BDP1: variants seen among roughly 807,000 people sequenced by gnomAD.
BDP1 encodes BDP1 general transcription factor IIIB subunit, also known as transcription factor TFIIIB component B'' homolog.
In BDP1, 169 loss-of-function variants were observed where a neutral mutation model predicts 266.6. That is an observed-to-expected ratio of 0.63 (90% CI 0.56 to 0.72). BDP1 has a LOEUF of 0.72. Among genes scored for constraint, BDP1 ranks in the 30% least tolerant of loss-of-function variants. The probability of loss-of-function intolerance (pLI) is 0.00; values close to 1 mark genes in which losing one functional copy is unlikely to be tolerated. For missense variants in BDP1, 3,015 were observed against 3,053.8 expected, an observed-to-expected ratio of 0.99 and a Z score of 0.30; for synonymous variants, 1,090 against 1,022.4, an observed-to-expected ratio of 1.07 and a Z score of -1.26.
At chr5:71,497,043 T>C (rs1404894784) in intron 12 of BDP1, among the ~76,000 whole-genome samples, 1 of 152,250 alleles carries the variant, frequency 6.6e-6, no homozygotes, top group African/African-American at 2.4e-5. Context: ...ATTTGTTTCA[T>C]TTATCTGTTT....
intron 9 of BDP1, among the ~76,000 whole-genome samples, chr5:71,487,172 C>T (rs915614070): frequency 1.2e-4 from 18 of 152,226 alleles, no homozygotes; most frequent in East Asian, 5.8e-4. Flanking sequence ...ATAAAGAAGA[C>T]GCTCGGAACT....
chr5:71,514,918 A>G (rs750710930), intron 19 of BDP1, 26 bp from the exon 20 acceptor site: 2 of 1,538,408 alleles, frequency 1.3e-6, no homozygotes, highest in East Asian at 2.3e-5. Context: ...AGCAACTGTG[A>G]ATGAAATTTT....
At chr5:71,542,739 C>CTTGGGGAGT (rs1767050893) in intron 30 of BDP1, among the ~76,000 whole-genome samples, 2 of 151,838 alleles carry the variant, frequency 1.3e-5, no homozygotes, top group Non-Finnish European at 2.9e-5. Context: ...TTTTGACTCC[C>CTTGGGGAGT]CAAAAACTTA....
chr5:71,548,293 G>C (rs770785191), intron 32 of BDP1, among the ~76,000 whole-genome samples: 2 of 152,144 alleles, frequency 1.3e-5, no homozygotes, highest in Non-Finnish European at 2.9e-5. Flanking sequence ...GAAAAACCAT[G>C]TTTGTGGTTT....
Position 71,486,957 on chromosome 5 carries a change from A to G in BDP1, c.1213+330A>G, listed in dbSNP as rs1402062848. 4.6e-5 allele frequency among the ~76,000 whole-genome samples: 7 copies of G among 152,312 alleles called. No individual in the cohort carries two copies. The East Asian group carries it at 5.8e-4, about 13-fold the overall frequency. On this transcript the variant is annotated intron_variant, in intron 9 of 38. Transcript: ENST00000358731. The stretch of plus-strand genomic sequence containing the variant: ...TTTTCCTCTGTAAAACAAATCTGGT[A>G]TAAAATTCTAGGATTAAAAAAAGGA...
chr5:71,485,818 G>T (rs1387710262), intron 8 of BDP1, among the ~76,000 whole-genome samples: 1 of 152,144 alleles, frequency 6.6e-6, no homozygotes, highest in African/African-American at 2.4e-5. Flanking sequence ...TAGGGCATAT[G>T]GTGGTGAACA....
intron 26 of BDP1, among the ~76,000 whole-genome samples, chr5:71,532,956 G>T (rs1203532198): frequency 6.6e-6 from 1 of 152,124 alleles, no homozygotes; most frequent in Non-Finnish European, 1.5e-5. Flanking sequence ...TCACTGGCCT[G>T]GGGAACCAAT....
intron 9 of BDP1, among the ~76,000 whole-genome samples, chr5:71,488,017 C>T (rs753618702): frequency 2.0e-5 from 3 of 152,068 alleles, no homozygotes; most frequent in Non-Finnish European, 4.4e-5. Context: ...TACAAAATAC[C>T]TTTATTCTTA....
At chr5:71,459,670 G>A (rs1761421361) in intron 2 of BDP1, among the ~76,000 whole-genome samples, 1 of 152,172 alleles carries the variant, frequency 6.6e-6, no homozygotes, top group East Asian at 1.9e-4. Flanking sequence ...GCAGGTAACA[G>A]CAGTAGAGCA....
chr5:71,485,879 A>G (rs904346271), intron 8 of BDP1, among the ~76,000 whole-genome samples: 2 of 152,210 alleles, frequency 1.3e-5, no homozygotes, highest in Admixed American at 6.6e-5. Context: ...ATATTTATAC[A>G]CAGCTCAAAG....
At chr5:71,555,786 G>A (rs1290538745) in intron 35 of BDP1, among the ~76,000 whole-genome samples, 1 of 152,132 alleles carries the variant, frequency 6.6e-6, no homozygotes, top group African/African-American at 2.4e-5. Flanking sequence ...TATAGGGACA[G>A]TATCTCTCCC....
intron 11 of BDP1, among the ~76,000 whole-genome samples, chr5:71,494,227 C>T (rs562154793): frequency 6.6e-6 from 1 of 152,104 alleles, no homozygotes; most frequent in Admixed American, 6.5e-5. Context: ...AACATAAACA[C>T]CTAGTAGAAA....
At chr5:71,469,583 A>T (rs1032119362) in intron 6 of BDP1, among the ~76,000 whole-genome samples, 18 of 150,658 alleles carry the variant, frequency 1.2e-4, no homozygotes, top group Middle Eastern at 3.4e-3. Context: ...TGAATGTTTT[A>T]AAAAAAAAAT....
chr5:71,509,584 A>G lies in BDP1; in HGVS notation c.2492A>G (p.Glu831Gly), dbSNP rs764948366. Residue 831 changes from glutamate (E) to glycine (G), a missense_variant, in exon 17 of 39, where the codon GAA (glutamate) becomes GGA (glycine). Glu to Gly is a moderately conservative substitution (Grantham distance 98). This residue lies in a region of BDP1 where 2,383 missense variants were observed against 2,404.9 expected (regional missense o/e 0.99). Transcript: ENST00000358731. ...GGAAGGAGAGAAATTTCCTCAAAGGAAGAGGTACTAGAGAAGATTCTTGTC... is the reference window on the plus strand; with the variant it reads ...GGAAGGAGAGAAATTTCCTCAAAGGGAGAGGTACTAGAGAAGATTCTTGTC... ...GTGRREISSK[E>G]EVLEKILVSG... 6.2e-7 allele frequency: 1 copy of G among 1,613,916 alleles called. No homozygotes were observed. Among genetic ancestry groups the G allele is most frequent in the Non-Finnish European group, 8.5e-7 (1 of 1,179,982 alleles).
chr5:71,458,684 G>A lies in BDP1; in HGVS notation c.318G>A (p.Lys106=), dbSNP rs998988685. Residue 106 remains lysine, a synonymous_variant, in exon 2 of 39, where the codon AAG becomes AAA. Coordinates refer to ENST00000358731, the MANE Select transcript of BDP1 (RefSeq NM_018429.3). ...KRISSTSSLV[K]SSVSVPSESH... ...TATCAAGTACTTCTAGCCTGGTTAA[G>A]TCTAGTGTCAGTGTTCCTTCAGAAT... 1 of 1,614,034 alleles carries A rather than the reference G, an allele frequency of 6.2e-7. No individual in the cohort carries two copies. The highest frequency in any genetic ancestry group is 1.3e-5 in the African/African-American group (1 of 74,930).
rs537554527 is a variant in BDP1, at chr5:71,561,388, C to T, written c.7497-886C>T. ...TGCACTCCAGCCTGGGCAACAAGAG[C>T]GAAACTGTCTCAAAAAATAAATTAA... On this transcript the variant is annotated intron_variant, in intron 37 of 38. Transcript: ENST00000358731. 3.9e-5 allele frequency among the ~76,000 whole-genome samples: 6 copies of T among 152,212 alleles called. No individual in the cohort carries two copies. The South Asian group carries it at 8.3e-4, about 21-fold the overall frequency.
chr5:71,572,237 G>A (rs1389999518), downstream of BDP1, among the ~76,000 whole-genome samples: 1 of 152,154 alleles, frequency 6.6e-6, no homozygotes, highest in African/African-American at 2.4e-5. Flanking sequence ...CTAGAGACAA[G>A]GTGTCCCCTG....
chr5:71,546,430 CA>C (rs1226882309), intron 32 of BDP1, among the ~76,000 whole-genome samples: 1 of 151,752 alleles, frequency 6.6e-6, no homozygotes, highest in Non-Finnish European at 1.5e-5. Flanking sequence ...AACAGCCTGG[CA>C]AACAAGGTGA....
chr5:71,534,171 A>G (rs1336612895), intron 26 of BDP1, among the ~76,000 whole-genome samples: 1 of 152,214 alleles, frequency 6.6e-6, no homozygotes, highest in Non-Finnish European at 1.5e-5. Context: ...TGTCAAACCC[A>G]AGGTCATGAA....
Sources: gnomAD v4.1 joint callset for allele counts (sites outside exome capture counted in the v4.1 genomes callset) on GRCh38, gnomAD v4.1.1 for gene constraint, gnomAD v4.1.1 regional missense constraint, MANE v1.5 for transcripts, NCBI Gene and HGNC (gene_info 2026-07-23, HGNC 2026-07-21) for gene names.